The following PLK5 variants were observed in gnomAD, a reference collection of about 807,000 sequenced individuals.
The protein encoded by PLK5 is inactive serine/threonine-protein kinase PLK5.
A neutral mutation model predicts 33.7 loss-of-function variants in PLK5; 28 were observed. That is an observed-to-expected ratio of 0.83 (90% CI 0.62 to 1.14). PLK5 has a LOEUF of 1.14. Ranked by LOEUF, PLK5 falls within the 50% of genes most tolerant of loss-of-function variation. The pLI is 0.00. For synonymous variants in PLK5, 225 were observed against 202.2 expected, an observed-to-expected ratio of 1.11 and a Z score of -0.96; for missense variants, 492 against 461.5, an observed-to-expected ratio of 1.07 and a Z score of -0.61.
At chr19:1,527,779 G>A (rs920495311) in intron 6 of PLK5, among the ~76,000 whole-genome samples, 157 bp from the exon 7 acceptor site, 1 of 152,120 alleles carries the variant, frequency 6.6e-6, no homozygotes, top group Admixed American at 6.5e-5. Context: ...CAGCGTGCAT[G>A]GGACTGCACA....
chr19:1,532,523 T>TC (rs1568254702), intron 12 of PLK5, among the ~76,000 whole-genome samples: 1 of 35,992 alleles, frequency 2.8e-5, no homozygotes, highest in Non-Finnish European at 7.7e-5. Context: ...ATTTTCTTCT[T>TC]TTTTTTTTTT....
chr19:1,524,709 GGGT>G lies in PLK5; in HGVS notation c.-544+465_-544+467del, dbSNP rs751656826. Among the ~76,000 whole-genome samples the G allele has an allele frequency of 3.3e-5, 5 of 151,762 alleles. No homozygotes were observed. Among genetic ancestry groups the G allele is most frequent in the Non-Finnish European group, 7.4e-5 (5 of 67,936 alleles). Reference sequence around the variant, plus strand: ...TGTCCAGTCATTGTGTTGTGTGTCTGGGTGTTGTGTGTTCATGTGGTGTGCTTG... The same window carrying G: ...TGTCCAGTCATTGTGTTGTGTGTCTGGTTGTGTGTTCATGTGGTGTGCTTG... On this transcript the variant is annotated intron_variant, in intron 1 of 13. Coordinates refer to ENST00000454744, the MANE Select transcript of PLK5 (RefSeq NM_001243079.2). This position sits in a 1 kb window ranked among gnomAD's most constrained non-coding sequence, Gnocchi z 4.5.
chr19:1,528,931 G>A lies in PLK5; in HGVS notation c.362G>A (p.Gly121Glu), dbSNP rs2145543059. Residue 121 changes from glycine to glutamate, a missense_variant, in exon 9 of 14, where the codon GGA becomes GAA. Coordinates refer to ENST00000454744, the MANE Select transcript of PLK5 (RefSeq NM_001243079.2). ...PFTPKEASGP[G>E]EGGPDPDSME... Reference sequence around the variant, plus strand: ...ACGCCTAAAGAGGCCTCGGGTCCAGGAGAAGGTGGGCCAGACCCTGACTCC... The same window carrying A: ...ACGCCTAAAGAGGCCTCGGGTCCAGAAGAAGGTGGGCCAGACCCTGACTCC... 1.3e-6 allele frequency: 2 copies of A among 1,518,506 alleles called. No individual in the cohort carries two copies. The highest frequency in any genetic ancestry group is 1.8e-6 in the Non-Finnish European group (2 of 1,138,762). The allele number at this position is 1,518,506 out of a possible 1,614,324, so 94.1% of individuals were successfully genotyped here. A position where few individuals can be genotyped will look rare whatever the true frequency, so the allele number is the denominator to read the frequency against.
chr19:1,533,332 C>A (rs918449353), intron 12 of PLK5, among the ~76,000 whole-genome samples: 3 of 152,086 alleles, frequency 2.0e-5, no homozygotes, highest in Admixed American at 2.0e-4. Context: ...CTCAGGTGAT[C>A]CTCCCACCTG....
chr19:1,529,623 G>A (rs1913867622), intron 10 of PLK5, 124 bp from the exon 11 acceptor site: 3 of 1,407,400 alleles, frequency 2.1e-6, no homozygotes, highest in African/African-American at 2.8e-5. Context: ...CTGTCAAATG[G>A]GAATGCCGCC....
chr19:1,534,173 A>AT (rs1421864343), intron 13 of PLK5, 132 bp downstream of exon 13: 5 of 676,624 alleles, frequency 7.4e-6, no homozygotes, highest in Non-Finnish European at 1.2e-5. Context: ...AAAAAAAAAA[A>AT]GGTATTGGCT....
intron 12 of PLK5, among the ~76,000 whole-genome samples, chr19:1,532,375 C>CA (rs1469833408): frequency 3.3e-5 from 5 of 151,784 alleles, no homozygotes; most frequent in African/African-American, 1.2e-4. Flanking sequence ...CCCATCTCCA[C>CA]AAAAAAATTA....
rs2656859 is a variant in PLK5, at chr19:1,527,037, G to A, written c.2+39G>A. 5.5e-3 allele frequency: 8,023 copies of A among 1,469,428 alleles called. 396 individuals carry two copies. In the African/African-American group the frequency reaches 0.12, roughly 21 times the overall value. 91.0% of individuals were successfully genotyped at this position (1,469,428 alleles called of 1,614,324 possible). A position where few individuals can be genotyped will look rare whatever the true frequency, so the allele number is the denominator to read the frequency against. On this transcript the variant is annotated intron_variant, in intron 6 of 13. Coordinates refer to ENST00000454744, the MANE Select transcript of PLK5 (RefSeq NM_001243079.2). ...TGGAGAAGGTGGGCAGGGCCTCCGG[G>A]GGGGGCAGGTGTGGCGGGGGGGGAG...
intron 12 of PLK5, 39 bp from the exon 13 acceptor site, chr19:1,533,891 GC>G: frequency 2.1e-6 from 3 of 1,449,404 alleles, no homozygotes; most frequent in Admixed American, 2.0e-5. Context: ...GGGTGGGGAC[GC>G]CCCCTGCGTC....
chr19:1,529,516 G>C, intron 10 of PLK5, 26 bp downstream of exon 10: 1 of 1,528,818 alleles, frequency 6.5e-7, no homozygotes, highest in Non-Finnish European at 8.8e-7. Context: ...TCCCAGCCCG[G>C]GGCTGCAGGT....
chr19:1,532,201 A>C (rs1028016580), intron 12 of PLK5, among the ~76,000 whole-genome samples: 1 of 152,052 alleles, frequency 6.6e-6, no homozygotes, highest in Non-Finnish European at 1.5e-5. Flanking sequence ...AGCCCAGGAG[A>C]TCGAGATCAG....
At position 1,524,425 on chromosome 19, in the gene PLK5, T is replaced by G. The variant is rs1599301220; in HGVS notation, c.-544+179T>G. ...GCGGGGTTTCGCATGGCGGGAACCGTGTTGAGCGCGCTGTGCGTCGTGTCC... is the reference window on the plus strand; with the variant it reads ...GCGGGGTTTCGCATGGCGGGAACCGGGTTGAGCGCGCTGTGCGTCGTGTCC... On this transcript the variant is annotated intron_variant, in intron 1 of 13. Transcript: ENST00000454744. The surrounding 1 kb of genome is among the most constrained non-coding windows in gnomAD (Gnocchi z 4.5). 6.6e-6 allele frequency among the ~76,000 whole-genome samples: 1 copy of G among 151,888 alleles called. No individual in the cohort carries two copies. Among genetic ancestry groups the G allele is most frequent in the African/African-American group, 2.4e-5 (1 of 41,392 alleles).
chr19:1,532,746 T>C lies in PLK5; in HGVS notation c.714+863T>C, dbSNP rs1419531344. ...CATGTTGGCCAGGCGGGTCTCGAAC[T>C]CCTGACCTCAGGTGATCCACCCGCC... is the stretch of plus-strand genomic sequence containing the variant. On this transcript the variant is annotated intron_variant, in intron 12 of 13. Transcript: ENST00000454744. 3.9e-5 allele frequency among the ~76,000 whole-genome samples: 6 copies of C among 152,058 alleles called. No individual in the cohort carries two copies. In the East Asian group the frequency reaches 1.2e-3, roughly 29 times the overall value.
chr19:1,531,393 G>A (rs1222100866), intron 11 of PLK5, among the ~76,000 whole-genome samples: 1 of 149,292 alleles, frequency 6.7e-6, no homozygotes, highest in Non-Finnish European at 1.5e-5. Flanking sequence ...TGGGGACAGA[G>A]CAAGACTCTG....
Position 1,527,055 on chromosome 19 carries a change from G to T in PLK5, c.2+57G>T, listed in dbSNP as rs1422551313. The stretch of plus-strand genomic sequence containing the variant: ...CCTCCGGGGGGGGCAGGTGTGGCGG[G>T]GGGGGAGCCTGCACGGAACAGGTGG... On this transcript the variant is annotated intron_variant, in intron 6 of 13. Coordinates refer to ENST00000454744, the MANE Select transcript of PLK5 (RefSeq NM_001243079.2). 6.5e-6 allele frequency: 8 copies of T among 1,222,016 alleles called. 1 individual carries two copies. Among genetic ancestry groups the T allele is most frequent in the South Asian group, 2.7e-5 (2 of 74,944 alleles). The allele number at this position is 1,222,016 out of a possible 1,614,324, so 75.7% of individuals were successfully genotyped here.
chr19:1,534,007 C>T lies in PLK5; in HGVS notation c.791C>T (p.Ala264Val), dbSNP rs1337694854. The change falls in exon 13 of 14, where the codon GCC becomes GTC. Residue 264 changes from alanine to valine, a missense_variant. By Grantham distance (64) the Ala-to-Val change is moderately conservative (BLOSUM62 0). Coordinates refer to ENST00000454744, the MANE Select transcript of PLK5 (RefSeq NM_001243079.2). Reference protein sequence around the residue: ...CLLRFLASEHALLLLFSNGMV... With the variant: ...CLLRFLASEHVLLLLFSNGMV... The stretch of plus-strand genomic sequence containing the variant: ...CTGCGCTTCCTGGCCTCTGAGCACG[C>T]CCTGCTGCTGCTGTTCAGCAATGGG... 1.3e-6 allele frequency: 2 copies of T among 1,535,630 alleles called. No individual in the cohort carries two copies. Among genetic ancestry groups the T allele is most frequent in the East Asian group, 2.4e-5 (1 of 40,894 alleles).
At chr19:1,533,052 T>G (rs950036619) in intron 12 of PLK5, among the ~76,000 whole-genome samples, 1 of 151,906 alleles carries the variant, frequency 6.6e-6, no homozygotes, top group African/African-American at 2.4e-5. Flanking sequence ...GGAGGATCAC[T>G]TGGTCCCAGG....
rs184257515 is a variant in PLK5, at chr19:1,531,837, G to T, written c.668G>T (p.Gly223Val). 11,121 of 1,531,834 alleles carry T rather than the reference G, an allele frequency of 7.3e-3. 48 individuals are homozygous for T. Among genetic ancestry groups the T allele is most frequent in the Non-Finnish European group, 8.5e-3 (9,743 of 1,144,800 alleles). The allele number at this position is 1,531,834 out of a possible 1,614,324, so 94.9% of individuals were successfully genotyped here. A position where few individuals can be genotyped will look rare whatever the true frequency, so the allele number is the denominator to read the frequency against. Residue 223 changes from glycine (G) to valine (V), a missense_variant, in exon 12 of 14, where the codon GGG (glycine) becomes GTG (valine). Transcript: ENST00000454744. ...KYGFGYQLLD[G>V]GRTGRHPHGP... Reference sequence around the variant, plus strand: ...GGCTTTGGCTACCAGCTCTTGGACGGGGGGCGCACGGGACGGCACCCACAT... The same window carrying T: ...GGCTTTGGCTACCAGCTCTTGGACGTGGGGCGCACGGGACGGCACCCACAT...
Position 1,527,060 on chromosome 19 carries a change from G to T in PLK5, c.2+62G>T. On this transcript the variant is annotated intron_variant, in intron 6 of 13. Coordinates refer to ENST00000454744, the MANE Select transcript of PLK5 (RefSeq NM_001243079.2). Reference sequence around the variant, plus strand: ...GGGGGGGGCAGGTGTGGCGGGGGGGGAGCCTGCACGGAACAGGTGGGGACC... The same window carrying T: ...GGGGGGGGCAGGTGTGGCGGGGGGGTAGCCTGCACGGAACAGGTGGGGACC... 17 of 735,174 alleles carry T rather than the reference G, an allele frequency of 2.3e-5. 1 individual carries two copies. In the South Asian group the frequency reaches 2.8e-4, roughly 12 times the overall value. The allele number at this position is 735,174 out of a possible 1,614,324, so 45.5% of individuals were successfully genotyped here.
Sources: gnomAD v4.1 joint callset for allele counts (sites outside exome capture counted in the v4.1 genomes callset) on GRCh38, gnomAD v4.1.1 for gene constraint, Gnocchi (gnomAD v3.1) non-coding constraint, MANE v1.5 for transcripts, NCBI Gene and HGNC (gene_info 2026-07-23, HGNC 2026-07-21) for gene names.